The following LIPC variants were observed in gnomAD, a reference collection of about 807,000 sequenced individuals.
LIPC encodes the protein hepatic triacylglycerol lipase.
In LIPC, 44 loss-of-function variants were observed where a neutral mutation model predicts 50.7. The observed-to-expected ratio is 0.87, with a 90% CI of 0.68 to 1.11. The LOEUF is 1.11. LIPC is among the 50% of genes most tolerant of loss of function. The pLI is 0.00. For missense variants in LIPC, 697 were observed against 648.2 expected, an observed-to-expected ratio of 1.08 and a Z score of -0.82; for synonymous variants, 271 against 256.4, an observed-to-expected ratio of 1.06 and a Z score of -0.54.
rs187546423 is a variant in LIPC, at chr15:58,438,677, A to G, written c.88+6557A>G. Reference sequence around the variant, plus strand: ...AATCCAGTCACTCCAGCCCTGGAGGAGTCAGGGCGCCCACCCGGCTGCCCC... The same window carrying G: ...AATCCAGTCACTCCAGCCCTGGAGGGGTCAGGGCGCCCACCCGGCTGCCCC... On this transcript the variant is annotated intron_variant, in intron 1 of 8. Coordinates refer to ENST00000299022, the MANE Select transcript of LIPC (RefSeq NM_000236.3). Among the ~76,000 whole-genome samples the G allele has an allele frequency of 1.5e-4, 23 of 152,202 alleles. No individual in the cohort carries two copies. In the East Asian group the frequency reaches 4.5e-3, roughly 29 times the overall value.
At chr15:58,565,123 C>G (rs1894316667) in intron 8 of LIPC, 1 of 1,404,234 alleles carries the variant, frequency 7.1e-7, no homozygotes, top group East Asian at 2.5e-5. Context: ...ATTTTATCTC[C>G]CTGGGATGCA....
chr15:58,524,018 T>C (rs1227500992), intron 1 of LIPC, among the ~76,000 whole-genome samples: 1 of 152,184 alleles, frequency 6.6e-6, no homozygotes, highest in Non-Finnish European at 1.5e-5. Context: ...TAAAATAGAA[T>C]AGATTTGCAA....
chr15:58,532,356 C>T (rs1230193524), intron 1 of LIPC, among the ~76,000 whole-genome samples: 1 of 152,186 alleles, frequency 6.6e-6, no homozygotes, highest in African/African-American at 2.4e-5. Context: ...CCACAGAAGC[C>T]AGGGACAGAG....
At chr15:58,554,736 G>C (rs1157476724) in intron 6 of LIPC, among the ~76,000 whole-genome samples, 1 of 152,048 alleles carries the variant, frequency 6.6e-6, no homozygotes, top group Non-Finnish European at 1.5e-5. Context: ...CTACAAAAGA[G>C]GAGGAGGAAG....
intron 7 of LIPC, among the ~76,000 whole-genome samples, chr15:58,562,812 C>CCG (rs1555407544): frequency 9.9e-5 from 15 of 151,588 alleles, no homozygotes; most frequent in East Asian, 3.9e-4. Context: ...GGGACCCCCC[C>CCG]CCAACCCCAC....
intron 1 of LIPC, chr15:58,436,792 G>C (rs1313453902): frequency 8.8e-6 from 4 of 456,282 alleles, no homozygotes; most frequent in South Asian, 6.2e-5. Flanking sequence ...CATTTGAGTA[G>C]GGTGTTGAAG....
intron 1 of LIPC, chr15:58,454,244 C>A (rs769122021): frequency 6.6e-6 from 1 of 152,268 alleles, no homozygotes; most frequent in African/African-American, 2.4e-5. Context: ...GGCCACAGAG[C>A]AGCTGGCAGG....
At chr15:58,516,115 C>T (rs894811940) in intron 1 of LIPC, among the ~76,000 whole-genome samples, 1 of 152,076 alleles carries the variant, frequency 6.6e-6, no homozygotes, top group Non-Finnish European at 1.5e-5. Flanking sequence ...TTCTGCGCAT[C>T]TTTGCTTGAA....
chr15:58,500,662 T>C (rs796133328), intron 1 of LIPC, among the ~76,000 whole-genome samples: 4 of 152,330 alleles, frequency 2.6e-5, no homozygotes, highest in African/African-American at 9.6e-5. Context: ...CTTGAGCAGA[T>C]AGATTTGGGA....
chr15:58,563,231 T>C (rs936857284), intron 7 of LIPC, among the ~76,000 whole-genome samples: 5 of 152,198 alleles, frequency 3.3e-5, no homozygotes, highest in Admixed American at 3.3e-4. Flanking sequence ...CTAGAGAAAG[T>C]TAACTAGATT....
Position 58,447,984 on chromosome 15 carries a change from G to A in LIPC, c.88+15864G>A, listed in dbSNP as rs77088008. Among the ~76,000 whole-genome samples the A allele has an allele frequency of 4.8e-3, 731 of 152,234 alleles. 6 individuals are homozygous for A. Among genetic ancestry groups the A allele is most frequent in the Non-Finnish European group, 8.1e-3 (549 of 68,016 alleles). ...CCAACTGGATATCCCTTTATACTAC[G>A]TCTAGCATTTTGCTTAAGTGGGACC... On this transcript the variant is annotated intron_variant, in intron 1 of 8. Coordinates refer to ENST00000299022, the MANE Select transcript of LIPC (RefSeq NM_000236.3).
At chr15:58,496,364 T>G (rs1891763893) in intron 1 of LIPC, among the ~76,000 whole-genome samples, 1 of 152,194 alleles carries the variant, frequency 6.6e-6, no homozygotes, top group Non-Finnish European at 1.5e-5. Context: ...TAAGGCTCTT[T>G]GTTTCTGTAT....
chr15:58,453,119 G>A (rs943307756), intron 1 of LIPC, among the ~76,000 whole-genome samples: 75 of 152,198 alleles, frequency 4.9e-4, no homozygotes, highest in African/African-American at 1.7e-3. Context: ...TGAGGTGTGG[G>A]GACCCATCCC....
At chr15:58,549,670 C>G (rs557447329) in intron 6 of LIPC, among the ~76,000 whole-genome samples, 4 of 152,198 alleles carry the variant, frequency 2.6e-5, no homozygotes, top group Non-Finnish European at 5.9e-5. Flanking sequence ...CTCTGTGTAT[C>G]GGAACTTTTG....
intron 1 of LIPC, chr15:58,497,765 C>A (rs1196799900): frequency 6.6e-6 from 1 of 152,326 alleles, no homozygotes; most frequent in East Asian, 1.9e-4. Context: ...AGGAGCTCAG[C>A]CCTGCCCATC....
At chr15:58,543,996 A>G (rs1296584173) in intron 4 of LIPC, among the ~76,000 whole-genome samples, 6 of 152,234 alleles carry the variant, frequency 3.9e-5, no homozygotes, top group Admixed American at 3.9e-4. Flanking sequence ...AACTTGAGAA[A>G]GAATGGGGAT....
intron 1 of LIPC, among the ~76,000 whole-genome samples, chr15:58,520,122 TG>T (rs59607738): frequency 0.023 from 2,575 of 112,806 alleles, 172 homozygotes; most frequent in African/African-American, 0.068. Context: ...GTTTTTTTTT[TG>T]TTTTTTTTTT....
chr15:58,456,667 G>A (rs1329385592), intron 1 of LIPC, among the ~76,000 whole-genome samples: 1 of 152,214 alleles, frequency 6.6e-6, no homozygotes, highest in Non-Finnish European at 1.5e-5. Context: ...GTCCACACTG[G>A]GGATCTGCCC....
At chr15:58,528,689 G>A (rs78674993) in intron 1 of LIPC, among the ~76,000 whole-genome samples, 2,035 of 152,234 alleles carry the variant, frequency 0.013, 54 homozygotes, top group African/African-American at 0.046. Flanking sequence ...GCTCCTAACC[G>A]CTTCTGCTGT....
Sources: allele counts gnomAD v4.1 joint callset (sites outside exome capture counted in the v4.1 genomes callset), GRCh38; gene constraint gnomAD v4.1.1; transcripts MANE v1.5; gene names NCBI Gene and HGNC (gene_info 2026-07-23, HGNC 2026-07-21).